Variants in NKAIN3 observed in about 807,000 individuals in gnomAD.
The protein encoded by NKAIN3 is sodium/potassium-transporting ATPase subunit beta-1-interacting protein 3.
Under a neutral mutation model 30.2 loss-of-function variants are expected in NKAIN3, and 25 were observed. The ratio of observed to expected loss-of-function variants is 0.83; its 90% CI spans 0.60 to 1.16. NKAIN3 has a LOEUF of 1.16. Among genes scored for constraint, NKAIN3 ranks in the 50% most tolerant of loss-of-function variants. NKAIN3 has a pLI of 0.00. For missense variants in NKAIN3, 225 were observed against 254.1 expected (o/e 0.89, Z 0.78); for synonymous variants, 91 against 89.6 (o/e 1.02, Z -0.09).
chr8:62,332,601 A>T (rs541166005), intron 1 of NKAIN3, among the ~76,000 whole-genome samples: 1 of 152,232 alleles, frequency 6.6e-6, no homozygotes, highest in South Asian at 2.1e-4. Context: ...GCAGTCCGAG[A>T]AGGTTAGGTT....
chr8:62,729,500 C>G (rs916226428), intron 3 of NKAIN3, among the ~76,000 whole-genome samples: 1 of 152,138 alleles, frequency 6.6e-6, no homozygotes, highest in Non-Finnish European at 1.5e-5. Flanking sequence ...ACCATATGAT[C>G]TAGCAATTGT....
At chr8:62,500,808 T>C (rs1445826067) in intron 1 of NKAIN3, among the ~76,000 whole-genome samples, 1 of 152,126 alleles carries the variant, frequency 6.6e-6, no homozygotes, top group Non-Finnish European at 1.5e-5. Flanking sequence ...TCCAAAGCTT[T>C]TGTTGCTCTT....
chr8:62,374,154 A>G (rs1414819852), intron 1 of NKAIN3, among the ~76,000 whole-genome samples: 1 of 151,382 alleles, frequency 6.6e-6, no homozygotes, highest in Non-Finnish European at 1.5e-5. Context: ...ACAGAAGAAG[A>G]AAGAAAGAAA....
chr8:62,476,317 AT>A (rs1394768022), intron 1 of NKAIN3, among the ~76,000 whole-genome samples: 2 of 152,242 alleles, frequency 1.3e-5, no homozygotes, highest in East Asian at 1.9e-4. Context: ...GAGCCCTCAC[AT>A]TTTTGAAACT....
intron 3 of NKAIN3, among the ~76,000 whole-genome samples, chr8:62,636,022 A>G (rs1332556695): frequency 1.3e-5 from 2 of 152,198 alleles, no homozygotes; most frequent in Admixed American, 6.5e-5. Flanking sequence ...TTCAGTCTGC[A>G]CCAAGTTCAG....
chr8:62,444,188 A>G (rs914868427), intron 1 of NKAIN3, among the ~76,000 whole-genome samples: 2 of 152,146 alleles, frequency 1.3e-5, no homozygotes, highest in Non-Finnish European at 2.9e-5. Flanking sequence ...TGTGAAGGAC[A>G]AATCAGGGTA....
At chr8:62,555,257 G>A (rs369608093) in intron 1 of NKAIN3, among the ~76,000 whole-genome samples, 1 of 151,910 alleles carries the variant, frequency 6.6e-6, no homozygotes, top group East Asian at 1.9e-4. Flanking sequence ...TACTTGTGAG[G>A]TGATAGAAAA....
chr8:62,364,427 T>TA, intron 1 of NKAIN3, among the ~76,000 whole-genome samples: 2 of 152,290 alleles, frequency 1.3e-5, no homozygotes, highest in East Asian at 3.9e-4. Flanking sequence ...TGGTCTTTCT[T>TA]ACTAAATTTG....
At chr8:62,624,326 C>G (rs1468143950) in intron 3 of NKAIN3, among the ~76,000 whole-genome samples, 1 of 151,900 alleles carries the variant, frequency 6.6e-6, no homozygotes, top group African/African-American at 2.4e-5. Context: ...AACCCCTATT[C>G]AAGATGGAGT....
chr8:62,621,457 A>G (rs1811616195), intron 3 of NKAIN3, among the ~76,000 whole-genome samples: 1 of 152,120 alleles, frequency 6.6e-6, no homozygotes, highest in Non-Finnish European at 1.5e-5. Context: ...GGTAAACCTA[A>G]CATTTTAGTA....
Position 62,543,414 on chromosome 8 carries a change from A to T in NKAIN3, c.55-36125A>T, listed in dbSNP as rs116408179. ...CATATAAACTTCATTCTAGTAAATT[A>T]TGTATTCAGTGTCTATATAAATAGT... On this transcript the variant is annotated intron_variant, in intron 1 of 6. Coordinates refer to ENST00000623646, the MANE Select transcript of NKAIN3 (RefSeq NM_001304533.3). 4.4e-3 allele frequency among the ~76,000 whole-genome samples: 667 copies of T among 152,296 alleles called. 4 individuals are homozygous for T. The highest frequency in any genetic ancestry group is 0.015 in the African/African-American group (629 of 41,578).
intron 5 of NKAIN3, among the ~76,000 whole-genome samples, chr8:62,998,219 T>A (rs1259523151): frequency 6.6e-6 from 1 of 152,120 alleles, no homozygotes; most frequent in East Asian, 1.9e-4. Context: ...GTAAAATGAG[T>A]GCATAAAGCA....
rs535423302 is a variant in NKAIN3 at position 62,750,303 on chromosome 8, T to G, written c.471+3174T>G. 2.0e-5 allele frequency among the ~76,000 whole-genome samples: 3 copies of G among 151,876 alleles called. No individual in the cohort carries two copies. In the East Asian group the frequency reaches 5.8e-4, roughly 30 times the overall value. ...ACCGAATGAGAGGGAAGTATTTGAG[T>G]GCTTTGACCACCGACACATCTCCTC... On this transcript the variant is annotated intron_variant, in intron 4 of 6. Transcript: ENST00000623646.
chr8:62,521,348 A>C (rs778284442), intron 1 of NKAIN3, among the ~76,000 whole-genome samples: 1 of 152,124 alleles, frequency 6.6e-6, no homozygotes, highest in Non-Finnish European at 1.5e-5. Flanking sequence ...TAGAGTTTTC[A>C]AACTTTTTTT....
At chr8:62,918,600 A>G in intron 5 of NKAIN3, 87 bp downstream of exon 5, 1 of 886,736 alleles carries the variant, frequency 1.1e-6, no homozygotes, top group African/African-American at 1.7e-5. Flanking sequence ...ATGAAATGAA[A>G]TCTTTTATAT....
intron 3 of NKAIN3, among the ~76,000 whole-genome samples, chr8:62,691,287 C>T (rs1399787391): frequency 1.3e-5 from 2 of 152,036 alleles, no homozygotes; most frequent in Non-Finnish European, 2.9e-5. Context: ...TCTTAAATGC[C>T]TGTGCTCTAG....
chr8:62,332,319 T>G (rs915509913), intron 1 of NKAIN3, among the ~76,000 whole-genome samples: 7 of 152,118 alleles, frequency 4.6e-5, no homozygotes, highest in African/African-American at 1.7e-4. Context: ...AAGAACTGGT[T>G]TGGTATATTC....
intron 3 of NKAIN3, among the ~76,000 whole-genome samples, chr8:62,688,919 A>G (rs1813877306): frequency 6.6e-6 from 1 of 152,146 alleles, no homozygotes; most frequent in South Asian, 2.1e-4. Flanking sequence ...ATCCTTTTTT[A>G]TGTTAACTTT....
At chr8:62,710,546 T>A (rs975787013) in intron 3 of NKAIN3, among the ~76,000 whole-genome samples, 2 of 152,178 alleles carry the variant, frequency 1.3e-5, no homozygotes, top group Non-Finnish European at 2.9e-5. Flanking sequence ...CTACCCCTGC[T>A]CACTTTTAGT....
Sources: allele counts gnomAD v4.1 joint callset (sites outside exome capture counted in the v4.1 genomes callset), GRCh38; gene constraint gnomAD v4.1.1; transcripts MANE v1.5; gene names NCBI Gene and HGNC (gene_info 2026-07-23, HGNC 2026-07-21).